The following ACOT11 variants were observed in gnomAD, a reference collection of about 807,000 sequenced individuals.
ACOT11 encodes the protein acyl-coenzyme A thioesterase 11.
In ACOT11, 69 loss-of-function variants were observed where a neutral mutation model predicts 77.5. The ratio of observed to expected loss-of-function variants is 0.89; its 90% CI spans 0.73 to 1.09. The LOEUF is 1.09. Ranked by LOEUF, ACOT11 falls within the 50% of genes least tolerant of loss-of-function variation. The probability of loss-of-function intolerance (pLI) is 0.00; values close to 1 mark genes in which losing one functional copy is unlikely to be tolerated. For synonymous variants in ACOT11, 279 were observed against 313.0 expected (o/e 0.89, Z 1.15); for missense variants, 766 against 813.7 (o/e 0.94, Z 0.71).
At chr1:54,617,461 T>G (rs979217294) in intron 15 of ACOT11, among the ~76,000 whole-genome samples, 4 of 134,014 alleles carry the variant, frequency 3.0e-5, no homozygotes, top group Admixed American at 2.3e-4. Context: ...CACTTTCTGT[T>G]AAAAAAAAAA....
At chr1:54,572,034 G>T (rs1185367190) in intron 1 of ACOT11, among the ~76,000 whole-genome samples, 1 of 152,052 alleles carries the variant, frequency 6.6e-6, no homozygotes, top group Non-Finnish European at 1.5e-5. Flanking sequence ...TTTGGCCAGG[G>T]GAGGGCAGCT....
At position 54,609,507 on chromosome 1, in the gene ACOT11, G is replaced by C. The variant is rs760347088; in HGVS notation, c.*395G>C. On this transcript the variant is annotated 3_prime_UTR_variant, in exon 16 of 16. Transcript: ENST00000343744. ...ATGGCCTGCATCTGGAAGGACACAGGTTGCCAGAGCCCCTGGCACAACTCT... is the reference window on the plus strand; with the variant it reads ...ATGGCCTGCATCTGGAAGGACACAGCTTGCCAGAGCCCCTGGCACAACTCT... 6.2e-7 allele frequency: 1 copy of C among 1,613,120 alleles called. No homozygotes were observed. Among genetic ancestry groups the C allele is most frequent in the South Asian group, 1.1e-5 (1 of 91,086 alleles).
intron 1 of ACOT11, among the ~76,000 whole-genome samples, chr1:54,567,509 C>T (rs1370192029): frequency 6.6e-6 from 1 of 152,026 alleles, no homozygotes; most frequent in East Asian, 1.9e-4. Flanking sequence ...GGACTCCGGA[C>T]CTCAGGTGAT....
At chr1:54,557,849 T>C (rs2100941488) in intron 1 of ACOT11, among the ~76,000 whole-genome samples, 1 of 152,314 alleles carries the variant, frequency 6.6e-6, no homozygotes, top group South Asian at 2.1e-4. Flanking sequence ...TTCTTTCCAA[T>C]TTGGATGCCT....
chr1:54,561,439 G>A (rs1168744272), intron 1 of ACOT11, among the ~76,000 whole-genome samples: 1 of 116,892 alleles, frequency 8.6e-6, no homozygotes, highest in Non-Finnish European at 1.7e-5. Context: ...AGATCAACAG[G>A]ATCCCAAGGC....
intron 1 of ACOT11, among the ~76,000 whole-genome samples, chr1:54,573,899 C>T (rs1485641753): frequency 6.6e-6 from 1 of 151,966 alleles, no homozygotes; most frequent in Non-Finnish European, 1.5e-5. Flanking sequence ...CGTGATGGCG[C>T]ATGCCTGTAA....
intron 15 of ACOT11, among the ~76,000 whole-genome samples, chr1:54,625,035 T>A (rs1569811014): frequency 6.6e-6 from 1 of 152,038 alleles, no homozygotes; most frequent in African/African-American, 2.4e-5. Context: ...GTGGTATGCC[T>A]ACAGGGATCC....
Position 54,609,608 on chromosome 1 carries a change from TGGGGGAA to T in ACOT11, c.*498_*504del. On this transcript the variant is annotated 3_prime_UTR_variant, in exon 16 of 16. Transcript: ENST00000343744. ...AGGCCAGCCTGGTGCCACAGTCACG[TGGGGGAA>T]GACCTCAGCCACAGCTGTAAGCAGC... 6.2e-7 allele frequency: 1 copy of T among 1,613,420 alleles called. No homozygotes were observed.
At position 54,607,002 on chromosome 1, in the gene ACOT11, G is replaced by T. The variant is rs80127483; in HGVS notation, c.1371-132G>T. The T allele has an allele frequency of 6.2e-6, 8 of 1,297,486 alleles. No homozygotes were observed. Among genetic ancestry groups the T allele is most frequent in the Non-Finnish European group, 8.4e-6 (8 of 954,440 alleles). 80.4% of individuals were successfully genotyped at this position (1,297,486 alleles called of 1,614,324 possible). On this transcript the variant is annotated intron_variant, in intron 13 of 15. Coordinates refer to ENST00000343744, the MANE Select transcript of ACOT11 (RefSeq NM_147161.4). The surrounding 1 kb of genome is among the most constrained non-coding windows in gnomAD (Gnocchi z 4.5). ...TGCTGCCTTCCTGCTGGCCCTTGCT[G>T]AGCAGTACAGGGGGTGACATCCCAT...
Position 54,609,924 on chromosome 1 carries a change from G to A in ACOT11, c.*812G>A, listed in dbSNP as rs1253965548. On this transcript the variant is annotated 3_prime_UTR_variant, in exon 16 of 16. Coordinates refer to ENST00000343744, the MANE Select transcript of ACOT11 (RefSeq NM_147161.4). Reference sequence around the variant, plus strand: ...GTTCCCTCGAGGCCAGTGTTCAGCAGGATCATGCCTTCTGTGTCTGGAAGA... The same window carrying A: ...GTTCCCTCGAGGCCAGTGTTCAGCAAGATCATGCCTTCTGTGTCTGGAAGA... The A allele has an allele frequency of 6.2e-7, 1 of 1,606,402 alleles. No individual in the cohort carries two copies. Among genetic ancestry groups the A allele is most frequent in the South Asian group, 1.1e-5 (1 of 91,032 alleles).
chr1:54,601,181 ATGTG>A (rs1161128674), intron 8 of ACOT11, 84 bp from the exon 9 acceptor site: 2 of 1,477,010 alleles, frequency 1.4e-6, no homozygotes, highest in Admixed American at 1.8e-5. Flanking sequence ...GCATGTGTGC[ATGTG>A]TGTGTGTGAG....
chr1:54,586,146 T>C (rs922326154), intron 3 of ACOT11, among the ~76,000 whole-genome samples: 1 of 152,134 alleles, frequency 6.6e-6, no homozygotes, highest in African/African-American at 2.4e-5. Context: ...AGCCAGGGTG[T>C]GGCCGAGATA....
At chr1:54,582,603 A>T (rs1350331126) in intron 1 of ACOT11, 3 of 834,720 alleles carry the variant, frequency 3.6e-6, no homozygotes, top group Non-Finnish European at 4.3e-6. Context: ...CCAGGTGAGA[A>T]GCAGAGAGAG....
chr1:54,622,414 C>T (rs1382934109), intron 15 of ACOT11, among the ~76,000 whole-genome samples: 2 of 151,476 alleles, frequency 1.3e-5, no homozygotes, highest in Non-Finnish European at 1.5e-5. Context: ...CCCGTCTGTA[C>T]TAAAAATACA....
chr1:54,611,528 A>AGTGG, downstream of ACOT11: 1 of 1,482,188 alleles, frequency 6.7e-7, no homozygotes, highest in Admixed American at 1.7e-5. Flanking sequence ...CCTTCCACCC[A>AGTGG]GCTCTGCTCC....
chr1:54,614,688 G>A (rs776888181), downstream of ACOT11: 11 of 1,606,304 alleles, frequency 6.8e-6, no homozygotes, highest in South Asian at 2.2e-5. Flanking sequence ...GGACAGAGAG[G>A]CGAACACTCA....
In ACOT11 at chr1:54,607,529, C is replaced by G. The variant is rs1413335373; in HGVS notation, c.1502+264C>G. On this transcript the variant is annotated intron_variant, in intron 14 of 15. Transcript: ENST00000343744. The surrounding 1 kb of genome is among the most constrained non-coding windows in gnomAD (Gnocchi z 4.5). ...CAGGGTGGCTCAGGCTGCCTCGATG[C>G]AGGCCTTGGGCAGGATATTTCTCAC... Among the ~76,000 whole-genome samples, 3 of 152,162 alleles carry G rather than the reference C, an allele frequency of 2.0e-5. No individual in the cohort carries two copies. The highest frequency in any genetic ancestry group is 4.4e-5 in the Non-Finnish European group (3 of 68,008).
intron 13 of ACOT11, among the ~76,000 whole-genome samples, chr1:54,606,927 C>T (rs1006753505): frequency 2.4e-4 from 36 of 152,262 alleles, no homozygotes; most frequent in African/African-American, 8.4e-4. Context: ...TGCATGTCTA[C>T]ATGTGCCTGT....
intron 1 of ACOT11, chr1:54,582,429 G>T: frequency 2.0e-6 from 2 of 985,342 alleles, no homozygotes; most frequent in Non-Finnish European, 2.4e-6. Context: ...CTCTATCTTT[G>T]CCCAGGGCCC....
Sources: allele counts gnomAD v4.1 joint callset (sites outside exome capture counted in the v4.1 genomes callset), GRCh38; gene constraint gnomAD v4.1.1; non-coding constraint Gnocchi (gnomAD v3.1); transcripts MANE v1.5; gene names NCBI Gene and HGNC (gene_info 2026-07-23, HGNC 2026-07-21).